The following SNRNP48 variants were observed in gnomAD, a reference collection of about 807,000 sequenced individuals.
SNRNP48 encodes the protein U11/U12 small nuclear ribonucleoprotein 48 kDa protein.
A neutral mutation model predicts 47.0 loss-of-function variants in SNRNP48; 43 were observed. That is an observed-to-expected ratio of 0.92 (90% CI 0.72 to 1.18). The LOEUF is 1.18. SNRNP48 is among the 50% of genes most tolerant of loss of function. SNRNP48 has a pLI of 0.00. For synonymous variants in SNRNP48, 138 were observed against 144.0 expected (o/e 0.96, Z 0.30); for missense variants, 396 against 422.2 (o/e 0.94, Z 0.54).
chr6:7,601,194 G>T, intron 4 of SNRNP48, 142 bp from the exon 5 acceptor site: 3 of 553,234 alleles, frequency 5.4e-6, no homozygotes, highest in African/African-American at 2.0e-5. Context: ...TGCTTAGATT[G>T]ATATTTTGTA....
At position 7,610,621 on chromosome 6, in the gene SNRNP48, A is replaced by T. The variant is rs942342260; in HGVS notation, c.*1748A>T. On this transcript the variant is annotated 3_prime_UTR_variant, in exon 9 of 9. Transcript: ENST00000342415. ...TATTTAGGTTTTTTGTAGAAGAAAG[A>T]TACAAGTGAAAATTAGGAGTGGATT... 1 of 152,250 alleles carries T rather than the reference A, an allele frequency of 6.6e-6. No individual in the cohort carries two copies. The highest frequency in any genetic ancestry group is 2.4e-5 in the African/African-American group (1 of 41,468). The allele number at this position is 152,250 out of a possible 1,614,324, so 9.4% of individuals were successfully genotyped here. A position where few individuals can be genotyped will look rare whatever the true frequency, so the allele number is the denominator to read the frequency against.
At chr6:7,591,647 T>C (rs1472506715) in intron 1 of SNRNP48, among the ~76,000 whole-genome samples, 1 of 152,232 alleles carries the variant, frequency 6.6e-6, no homozygotes, top group Non-Finnish European at 1.5e-5. Context: ...TACTCAGCAT[T>C]GCGGTAACAT....
chr6:7,605,546 T>C lies in SNRNP48; in HGVS notation c.806+60T>C, dbSNP rs974378543. The C allele has an allele frequency of 1.8e-5, 25 of 1,420,784 alleles. 1 individual carries two copies. The South Asian group carries it at 3.0e-4, about 17-fold the overall frequency. The allele number at this position is 1,420,784 out of a possible 1,614,324, so 88.0% of individuals were successfully genotyped here. ...TCTTTGATAACAGATAACAATTAAC[T>C]TATAATTGTTAAATTTTAGCATTTC... On this transcript the variant is annotated intron_variant, in intron 7 of 8. Coordinates refer to ENST00000342415, the MANE Select transcript of SNRNP48 (RefSeq NM_152551.4).
At chr6:7,590,668 C>G (rs1465502899) in intron 1 of SNRNP48, among the ~76,000 whole-genome samples, 1 of 152,212 alleles carries the variant, frequency 6.6e-6, no homozygotes, top group Admixed American at 6.5e-5. Flanking sequence ...GCTCCTCCCG[C>G]GCAACTTCGA....
At chr6:7,592,370 A>G (rs1759833926) in intron 1 of SNRNP48, among the ~76,000 whole-genome samples, 1 of 149,422 alleles carries the variant, frequency 6.7e-6, no homozygotes, top group Non-Finnish European at 1.5e-5. Context: ...TAGAAAGTCT[A>G]GATTTTTTTT....
chr6:7,599,560 A>G, intron 4 of SNRNP48: 1 of 529,666 alleles, frequency 1.9e-6, no homozygotes, highest in South Asian at 2.5e-5. Context: ...CATTTTATGT[A>G]AATGTAAGTT....
At chr6:7,599,195 C>A (rs1354150531) in intron 4 of SNRNP48, among the ~76,000 whole-genome samples, 1 of 152,122 alleles carries the variant, frequency 6.6e-6, no homozygotes, top group Non-Finnish European at 1.5e-5. Context: ...GAATTTGTAT[C>A]TTTGTGACAA....
At chr6:7,605,584 T>A in intron 7 of SNRNP48, 98 bp downstream of exon 7, 1 of 1,074,718 alleles carries the variant, frequency 9.3e-7, no homozygotes. Context: ...AAACCCTTGA[T>A]AGCACACAGT....
At chr6:7,606,676 A>G (rs1760134822) in intron 8 of SNRNP48, among the ~76,000 whole-genome samples, 1 of 152,248 alleles carries the variant, frequency 6.6e-6, no homozygotes, top group South Asian at 2.1e-4. Flanking sequence ...ATGTGAATTA[A>G]TACCGAATTA....
In SNRNP48 at chr6:7,611,689, C is replaced by T. The variant is rs1488999833; in HGVS notation, c.*2816C>T. On this transcript the variant is annotated 3_prime_UTR_variant, in exon 9 of 9. Coordinates refer to ENST00000342415, the MANE Select transcript of SNRNP48 (RefSeq NM_152551.4). ...ATTTTCTAATTACCTGTGTATGCTA[C>T]AGTACAGACATTAATTCTATAAACA... The T allele has an allele frequency of 6.6e-6, 1 of 152,204 alleles. No individual in the cohort carries two copies. Among genetic ancestry groups the T allele is most frequent in the African/African-American group, 2.4e-5 (1 of 41,444 alleles). 9.4% of individuals were successfully genotyped at this position (152,204 alleles called of 1,614,324 possible).
At chr6:7,590,544 G>T (rs1259564033) in intron 1 of SNRNP48, 131 bp downstream of exon 1, 3 of 1,082,592 alleles carry the variant, frequency 2.8e-6, no homozygotes, top group Non-Finnish European at 1.2e-6. Context: ...AGCCGCGATG[G>T]GCGCCTGGGA....
chr6:7,593,746 A>G lies in SNRNP48; in HGVS notation c.169A>G (p.Ile57Val). 31 of 1,576,698 alleles carry G rather than the reference A, an allele frequency of 2.0e-5. No homozygotes were observed. The highest frequency in any genetic ancestry group is 2.6e-5 in the Non-Finnish European group (30 of 1,164,178). The change falls in exon 2 of 9, where the codon ATA (isoleucine) becomes GTA (valine). Residue 57 changes from isoleucine (I) to valine (V), a missense_variant. Coordinates refer to ENST00000342415, the MANE Select transcript of SNRNP48 (RefSeq NM_152551.4). ...EEEAAEDEVV[I>V]CPYDSNHHMP... is the part of the protein sequence containing the mutation. ...TTGATTTTTATAGGATGAAGTTGTG[A>G]TATGTCCATACGATTCCAATCATCA...
chr6:7,610,382 T>TA lies in SNRNP48; in HGVS notation c.*1511dup. The TA allele has an allele frequency of 6.6e-6, 1 of 152,322 alleles. No individual in the cohort carries two copies. Among genetic ancestry groups the TA allele is most frequent in the Non-Finnish European group, 1.5e-5 (1 of 68,024 alleles). 9.4% of individuals were successfully genotyped at this position (152,322 alleles called of 1,614,324 possible). On this transcript the variant is annotated 3_prime_UTR_variant, in exon 9 of 9. Coordinates refer to ENST00000342415, the MANE Select transcript of SNRNP48 (RefSeq NM_152551.4). ...ATAGTCATATTGCTGCCATTGTACT[T>TA]AATTTCTAAATATATAAAATCCACA... is the stretch of plus-strand genomic sequence containing the variant.
intron 1 of SNRNP48, among the ~76,000 whole-genome samples, chr6:7,590,942 C>T (rs1225355942): frequency 1.3e-5 from 2 of 152,248 alleles, no homozygotes; most frequent in Non-Finnish European, 2.9e-5. Flanking sequence ...CGCTCCACTG[C>T]ATTCCAGCCT....
At position 7,590,310 on chromosome 6, in the gene SNRNP48, T is replaced by C; in HGVS notation, c.53T>C (p.Leu18Pro). Residue 18 changes from leucine (L) to proline (P), a missense_variant, in exon 1 of 9, where the codon CTG (leucine) becomes CCG (proline). Transcript: ENST00000342415. ...VEERRRLQEE[L>P]NEFVESGCRT... Reference sequence around the variant, plus strand: ...GAGCGGCGGCGGCTGCAGGAGGAGCTGAACGAGTTCGTGGAGAGCGGCTGC... The same window carrying C: ...GAGCGGCGGCGGCTGCAGGAGGAGCCGAACGAGTTCGTGGAGAGCGGCTGC... 7.2e-7 allele frequency: 1 copy of C among 1,398,502 alleles called. No homozygotes were observed. Among genetic ancestry groups the C allele is most frequent in the Admixed American group, 2.4e-5 (1 of 41,804 alleles). 86.6% of individuals were successfully genotyped at this position (1,398,502 alleles called of 1,614,324 possible).
intron 4 of SNRNP48, chr6:7,600,104 AATTG>A: frequency 1.0e-6 from 1 of 994,102 alleles, no homozygotes; most frequent in African/African-American, 1.7e-5. Flanking sequence ...ATTAGAATAA[AATTG>A]ATTGACTTGA....
rs1332587261 is a variant in SNRNP48 at position 7,605,378 on chromosome 6, C to T, written c.718-20C>T. 1.3e-5 allele frequency: 21 copies of T among 1,605,504 alleles called. No homozygotes were observed. Among genetic ancestry groups the T allele is most frequent in the Non-Finnish European group, 1.6e-5 (19 of 1,173,928 alleles). ...TTGAGCAGTTTTCTTACCTGAAGTT[C>T]GGTGCTTACCTCTCCCAAGGTGATT... On this transcript the variant is annotated intron_variant, in intron 6 of 8. Coordinates refer to ENST00000342415, the MANE Select transcript of SNRNP48 (RefSeq NM_152551.4).
intron 2 of SNRNP48, 77 bp from the exon 3 acceptor site, chr6:7,594,022 C>A: frequency 9.9e-7 from 1 of 1,010,428 alleles, no homozygotes; most frequent in Non-Finnish European, 1.4e-6. Context: ...TTAAGTGATA[C>A]TAATCTATTG....
rs144986142 is a variant in SNRNP48, at chr6:7,606,651, T to C, written c.971+456T>C. 1.4e-3 allele frequency among the ~76,000 whole-genome samples: 214 copies of C among 152,360 alleles called. 1 individual carries two copies. Among genetic ancestry groups the C allele is most frequent in the Middle Eastern group, 6.8e-3 (2 of 294 alleles). On this transcript the variant is annotated intron_variant, in intron 8 of 8. Transcript: ENST00000342415. The stretch of plus-strand genomic sequence containing the variant: ...CAATTTTGCCTTTGTTAGTAAAATT[T>C]TGATAGCTTGAGAGATGTGAATTAA...
Sources: allele counts gnomAD v4.1 joint callset (sites outside exome capture counted in the v4.1 genomes callset), GRCh38; gene constraint gnomAD v4.1.1; transcripts MANE v1.5; gene names NCBI Gene and HGNC (gene_info 2026-07-23, HGNC 2026-07-21).